Variants in UNC13C observed in about 807,000 individuals in gnomAD.
UNC13C encodes the protein protein unc-13 homolog C.
A neutral mutation model predicts 245.4 loss-of-function variants in UNC13C; 174 were observed. The ratio of observed to expected loss-of-function variants is 0.71; its 90% CI spans 0.63 to 0.80. UNC13C has a LOEUF of 0.80. Ranked by LOEUF, UNC13C falls within the 30% of genes least tolerant of loss-of-function variation. The pLI is 0.00. For synonymous variants in UNC13C, 992 were observed against 895.1 expected, an observed-to-expected ratio of 1.11 and a Z score of -1.93; for missense variants, 2,829 against 2,602.9, an observed-to-expected ratio of 1.09 and a Z score of -1.89.
At chr15:54,581,864 A>T (rs1237009790) in intron 30 of UNC13C, among the ~76,000 whole-genome samples, 1 of 152,170 alleles carries the variant, frequency 6.6e-6, no homozygotes, top group South Asian at 2.1e-4. Context: ...GGGCAAGTGA[A>T]TGGAGGGGAG....
At chr15:54,585,897 G>C (rs1178965253) in intron 30 of UNC13C, among the ~76,000 whole-genome samples, 2 of 152,174 alleles carry the variant, frequency 1.3e-5, no homozygotes, top group South Asian at 4.2e-4. Flanking sequence ...AATTCCCTTA[G>C]TAATTGGGGT....
chr15:53,956,239 G>A, the UNC13C span, among the ~76,000 whole-genome samples: 1 of 152,068 alleles, frequency 6.6e-6, no homozygotes, highest in Non-Finnish European at 1.5e-5. Context: ...TCAGTTCTTT[G>A]GTGATAGAAT....
intron 2 of UNC13C, among the ~76,000 whole-genome samples, chr15:54,064,180 G>A (rs969904371): frequency 6.6e-6 from 1 of 152,002 alleles, no homozygotes; most frequent in Non-Finnish European, 1.5e-5. Flanking sequence ...GTCAAGTGCA[G>A]AAAATTGTTC....
the UNC13C span, among the ~76,000 whole-genome samples, chr15:53,930,876 G>A: frequency 2.0e-5 from 3 of 152,122 alleles, no homozygotes; most frequent in African/African-American, 7.2e-5. Flanking sequence ...AAGATTTTTA[G>A]AGCATGGAAA....
intron 2 of UNC13C, among the ~76,000 whole-genome samples, chr15:54,034,672 G>A (rs10162865): frequency 0.98 from 149,848 of 152,330 alleles, 73,750 homozygotes; most frequent in Middle Eastern, 1. Context: ...CATCTTGCAT[G>A]CATACTACTG....
At chr15:53,959,298 A>G in the UNC13C span, among the ~76,000 whole-genome samples, 2 of 151,540 alleles carry the variant, frequency 1.3e-5, no homozygotes, top group East Asian at 3.9e-4. Flanking sequence ...TTTCTCTTGT[A>G]TATATTCTCA....
chr15:54,156,826 A>G (rs146248975), intron 4 of UNC13C, among the ~76,000 whole-genome samples: 12 of 151,576 alleles, frequency 7.9e-5, no homozygotes, highest in African/African-American at 2.7e-4. Flanking sequence ...AGTGAAATTG[A>G]TGGGCAACAT....
chr15:53,866,961 G>C, the UNC13C span, among the ~76,000 whole-genome samples: 1 of 152,146 alleles, frequency 6.6e-6, no homozygotes, highest in East Asian at 1.9e-4. Flanking sequence ...AATGGTTTCA[G>C]GTTGTTCACT....
At chr15:54,482,943 G>T (rs1481559256) in intron 19 of UNC13C, among the ~76,000 whole-genome samples, 2 of 152,042 alleles carry the variant, frequency 1.3e-5, no homozygotes, top group African/African-American at 4.8e-5. Context: ...TTTATTAATT[G>T]TTATTAATTT....
Position 54,143,693 on chromosome 15 carries a change from C to T in UNC13C, c.3071+9C>T. The T allele has an allele frequency of 6.2e-7, 1 of 1,609,166 alleles. No homozygotes were observed. Among genetic ancestry groups the T allele is most frequent in the Non-Finnish European group, 8.5e-7 (1 of 1,176,138 alleles). ...CTCCAGGTGTGTGGTGGGTAAGTAC[C>T]TTCATACCTTTCTAATTTATTCCAT... On this transcript the variant is annotated intron_variant, in intron 4 of 32. Transcript: ENST00000260323.
At chr15:53,841,001 A>T in the UNC13C span, among the ~76,000 whole-genome samples, 1 of 152,170 alleles carries the variant, frequency 6.6e-6, no homozygotes, top group Non-Finnish European at 1.5e-5. Flanking sequence ...ATCAGCAGTG[A>T]GTGAGAAGTC....
intron 2 of UNC13C, among the ~76,000 whole-genome samples, chr15:54,051,774 A>G (rs1022676981): frequency 7.9e-6 from 1 of 126,062 alleles, no homozygotes; most frequent in Non-Finnish European, 1.7e-5. Flanking sequence ...TTTTTTTTTT[A>G]TTATACTTTA....
intron 7 of UNC13C, among the ~76,000 whole-genome samples, chr15:54,243,939 C>T (rs2035925938): frequency 6.6e-6 from 1 of 152,114 alleles, no homozygotes; most frequent in African/African-American, 2.4e-5. Context: ...CCTGTTCACT[C>T]TTATTTTAGT....
chr15:54,138,656 A>G (rs891475846), intron 2 of UNC13C, among the ~76,000 whole-genome samples: 1 of 152,112 alleles, frequency 6.6e-6, no homozygotes, highest in Non-Finnish European at 1.5e-5. Flanking sequence ...TTGGTAGTAA[A>G]TAATGAAACA....
At chr15:54,170,904 C>T (rs146837621) in intron 4 of UNC13C, among the ~76,000 whole-genome samples, 2 of 152,186 alleles carry the variant, frequency 1.3e-5, no homozygotes, top group East Asian at 1.9e-4. Flanking sequence ...TGAGAGTCTG[C>T]GCAAGACTCA....
At chr15:54,148,247 T>A (rs968049206) in intron 4 of UNC13C, among the ~76,000 whole-genome samples, 1 of 152,224 alleles carries the variant, frequency 6.6e-6, no homozygotes, top group Non-Finnish European at 1.5e-5. Flanking sequence ...AAGAAACGTA[T>A]GCTGAGATTT....
At chr15:54,052,480 T>A (rs901954245) in intron 2 of UNC13C, among the ~76,000 whole-genome samples, 1 of 152,064 alleles carries the variant, frequency 6.6e-6, no homozygotes, top group Non-Finnish European at 1.5e-5. Context: ...GGTATCTCAT[T>A]GTGGTTTTGA....
At chr15:54,046,872 A>C (rs1454914656) in intron 2 of UNC13C, among the ~76,000 whole-genome samples, 1 of 152,020 alleles carries the variant, frequency 6.6e-6, no homozygotes, top group Non-Finnish European at 1.5e-5. Flanking sequence ...AAAAGAAAAG[A>C]AACATGTTAA....
chr15:53,906,288 T>TAG, the UNC13C span, among the ~76,000 whole-genome samples: 2 of 152,170 alleles, frequency 1.3e-5, no homozygotes, highest in Non-Finnish European at 2.9e-5. Flanking sequence ...ACTGCACCAC[T>TAG]GCACTCCAGC....
Sources: allele counts gnomAD v4.1 joint callset (sites outside exome capture counted in the v4.1 genomes callset), GRCh38; gene constraint gnomAD v4.1.1; transcripts MANE v1.5; gene names NCBI Gene and HGNC (gene_info 2026-07-23, HGNC 2026-07-21).